The following WDR70 variants were observed in gnomAD, a reference collection of about 807,000 sequenced individuals.
WDR70 encodes WD repeat domain 70.
A neutral mutation model predicts 88.6 loss-of-function variants in WDR70; 53 were observed. That is an observed-to-expected ratio of 0.60 (90% CI 0.48 to 0.75). The LOEUF (loss-of-function observed/expected upper bound fraction) is 0.75. Ranked by LOEUF, WDR70 falls within the 30% of genes least tolerant of loss-of-function variation. WDR70 has a pLI of 0.00. For missense variants in WDR70, 610 were observed against 823.2 expected (o/e 0.74, Z 3.17); for synonymous variants, 280 against 270.0 (o/e 1.04, Z -0.36).
At chr5:37,509,436 TA>T (rs55919452) in intron 8 of WDR70, among the ~76,000 whole-genome samples, 167 of 148,292 alleles carry the variant, frequency 1.1e-3, no homozygotes, top group African/African-American at 2.8e-3. Context: ...AAACATACTT[TA>T]AAAAAAAAAA....
chr5:37,589,525 C>G (rs1234783818), intron 9 of WDR70, among the ~76,000 whole-genome samples: 2 of 152,030 alleles, frequency 1.3e-5, no homozygotes, highest in Non-Finnish European at 2.9e-5. Flanking sequence ...TGAAATGTAG[C>G]ATTCTTTCCC....
intron 3 of WDR70, among the ~76,000 whole-genome samples, chr5:37,386,177 A>G (rs911548172): frequency 2.6e-5 from 4 of 152,204 alleles, no homozygotes; most frequent in East Asian, 3.9e-4. Flanking sequence ...TCCTCAAACG[A>G]TGGACAAAGA....
intron 9 of WDR70, among the ~76,000 whole-genome samples, chr5:37,519,663 C>T (rs1225913791): frequency 1.3e-5 from 2 of 148,262 alleles, no homozygotes; most frequent in South Asian, 2.2e-4. Flanking sequence ...CGGGCGGAGG[C>T]GCTCCTCACT....
chr5:37,685,213 G>A (rs1001173229), intron 10 of WDR70, among the ~76,000 whole-genome samples: 5 of 152,092 alleles, frequency 3.3e-5, no homozygotes, highest in East Asian at 1.9e-4. Context: ...GGTGGTGTGC[G>A]CTCTTACCAG....
chr5:37,731,405 A>G (rs1748140203), intron 17 of WDR70, among the ~76,000 whole-genome samples: 1 of 152,192 alleles, frequency 6.6e-6, no homozygotes, highest in African/African-American at 2.4e-5. Flanking sequence ...GAATTGGATA[A>G]TATGATAACA....
intron 5 of WDR70, among the ~76,000 whole-genome samples, chr5:37,428,555 A>G (rs1350180375): frequency 6.6e-6 from 1 of 152,224 alleles, no homozygotes; most frequent in African/African-American, 2.4e-5. Flanking sequence ...CTTACTTTGC[A>G]CAGCATAATG....
intron 10 of WDR70, among the ~76,000 whole-genome samples, chr5:37,608,821 A>G (rs1744107197): frequency 6.6e-6 from 1 of 152,030 alleles, no homozygotes; most frequent in South Asian, 2.1e-4. Flanking sequence ...AGCCTCCCCA[A>G]GTGCTGGTAT....
At chr5:37,686,881 A>T (rs537367968) in intron 10 of WDR70, among the ~76,000 whole-genome samples, 1 of 150,352 alleles carries the variant, frequency 6.7e-6, no homozygotes, top group African/African-American at 2.5e-5. Flanking sequence ...AGGCACACCT[A>T]AGAATAAGAG....
intron 17 of WDR70, among the ~76,000 whole-genome samples, chr5:37,731,451 G>A (rs1020494008): frequency 7.9e-5 from 12 of 152,112 alleles, no homozygotes; most frequent in Admixed American, 6.6e-4. Context: ...CAGCGAAATA[G>A]CATGCTTTAG....
At chr5:37,710,186 C>T (rs1164291616) in intron 13 of WDR70, among the ~76,000 whole-genome samples, 1 of 151,888 alleles carries the variant, frequency 6.6e-6, no homozygotes, top group Non-Finnish European at 1.5e-5. Context: ...GTGCTGATTC[C>T]TTTTTATTAT....
intron 10 of WDR70, among the ~76,000 whole-genome samples, chr5:37,653,118 A>G (rs994401567): frequency 2.6e-5 from 4 of 152,194 alleles, no homozygotes; most frequent in African/African-American, 7.2e-5. Flanking sequence ...CATTTCATCA[A>G]TACCTAGTTT....
intron 10 of WDR70, among the ~76,000 whole-genome samples, chr5:37,622,851 C>G (rs562277043): frequency 1.3e-5 from 2 of 152,198 alleles, no homozygotes; most frequent in Non-Finnish European, 2.9e-5. Context: ...TGTAACTAAC[C>G]TGCACGTTGT....
intron 12 of WDR70, among the ~76,000 whole-genome samples, chr5:37,702,643 T>G (rs1400083145): frequency 6.6e-6 from 1 of 152,208 alleles, no homozygotes; most frequent in Admixed American, 6.5e-5. Flanking sequence ...AATTACAATG[T>G]AGAAGTTAAA....
chr5:37,543,437 C>A (rs1335624134), intron 9 of WDR70, among the ~76,000 whole-genome samples: 2 of 151,912 alleles, frequency 1.3e-5, no homozygotes, highest in Non-Finnish European at 2.9e-5. Flanking sequence ...ACGAAATATG[C>A]ACTTTCTTTT....
Position 37,630,530 on chromosome 5 carries a change from C to T in WDR70, c.1092+25292C>T, listed in dbSNP as rs565389693. ...CTGCTTGCAGACTTGTAGGCCTCTC[C>T]CACCTGGCAGAGGGCATGCAGTGGT... On this transcript the variant is annotated intron_variant, in intron 10 of 17. Coordinates refer to ENST00000265107, the MANE Select transcript of WDR70 (RefSeq NM_018034.4). Among the ~76,000 whole-genome samples the T allele has an allele frequency of 1.4e-4, 21 of 152,140 alleles. No individual in the cohort carries two copies. The South Asian group carries it at 4.1e-3, about 30-fold the overall frequency.
intron 7 of WDR70, among the ~76,000 whole-genome samples, chr5:37,475,740 T>A (rs761503640): frequency 9.2e-5 from 14 of 152,228 alleles, no homozygotes; most frequent in Non-Finnish European, 1.5e-4. Flanking sequence ...TAGTTATATT[T>A]AATTACTTAT....
At chr5:37,415,991 A>G (rs1015052640) in intron 5 of WDR70, among the ~76,000 whole-genome samples, 2 of 141,634 alleles carry the variant, frequency 1.4e-5, no homozygotes, top group African/African-American at 5.4e-5. Flanking sequence ...CCTGGATGGG[A>G]TGGCGGCCTG....
intron 3 of WDR70, among the ~76,000 whole-genome samples, chr5:37,384,173 C>CTTT (rs57075180): frequency 1.9e-4 from 21 of 107,870 alleles, no homozygotes; most frequent in Non-Finnish European, 2.4e-4. Flanking sequence ...ACTTTCCCCC[C>CTTT]TTTTTTTTTT....
chr5:37,426,626 C>T (rs1750132160), intron 5 of WDR70, among the ~76,000 whole-genome samples: 1 of 152,140 alleles, frequency 6.6e-6, no homozygotes, highest in South Asian at 2.1e-4. Context: ...AAGCACCTTC[C>T]CTCTCTCTAG....
Sources: gnomAD v4.1 joint callset for allele counts (sites outside exome capture counted in the v4.1 genomes callset) on GRCh38, gnomAD v4.1.1 for gene constraint, MANE v1.5 for transcripts, NCBI Gene and HGNC (gene_info 2026-07-23, HGNC 2026-07-21) for gene names.